ZRANB1: variants seen among roughly 807,000 people sequenced by gnomAD.
ZRANB1 encodes zinc finger RANBP2-type containing 1, also known as ubiquitin thioesterase ZRANB1.
In ZRANB1, 16 loss-of-function variants were observed where a neutral mutation model predicts 80.5. The observed-to-expected ratio is 0.20, with a 90% CI of 0.13 to 0.30. ZRANB1 has a LOEUF of 0.30. ZRANB1 is among the 10% of genes least tolerant of loss of function. ZRANB1 has a pLI of 1.00. For synonymous variants in ZRANB1, 291 were observed against 293.1 expected (o/e 0.99, Z 0.07); for missense variants, 576 against 862.6 (o/e 0.67, Z 4.16).
At chr10:124,963,590 T>A (rs1275913309) in intron 1 of ZRANB1, among the ~76,000 whole-genome samples, 4 of 139,208 alleles carry the variant, frequency 2.9e-5, no homozygotes, top group Non-Finnish European at 4.6e-5. Context: ...GCATGTATTA[T>A]GATGCTTTTT....
chr10:124,933,335 C>T, the ZRANB1 span, among the ~76,000 whole-genome samples: 3 of 152,008 alleles, frequency 2.0e-5, no homozygotes, highest in Admixed American at 6.6e-5. Context: ...GACAGGGTTT[C>T]ACCATGTTGG....
the ZRANB1 span, among the ~76,000 whole-genome samples, chr10:124,922,272 T>G: frequency 1.0e-3 from 58 of 56,318 alleles, 1 homozygote; most frequent in African/African-American, 2.3e-3. Flanking sequence ...TATATATATA[T>G]ATATGTAAAA....
chr10:124,943,361 T>C (rs540658765), intron 1 of ZRANB1, 54 bp downstream of exon 1: 1 of 1,536,562 alleles, frequency 6.5e-7, no homozygotes, highest in African/African-American at 1.4e-5. Context: ...GTAGTAAAAA[T>C]GATATGAAAA....
At position 124,971,415 on chromosome 10, in the gene ZRANB1, G is replaced by A. The variant is rs997269870; in HGVS notation, c.1003-550G>A. ...GCAGTCTGTGTTTAAACTTGCAGAT[G>A]CCAAATGCTTTTTTAAAAACTCAAG... On this transcript the variant is annotated intron_variant, in intron 2 of 8. Coordinates refer to ENST00000359653, the MANE Select transcript of ZRANB1 (RefSeq NM_017580.3). 3.3e-5 allele frequency among the ~76,000 whole-genome samples: 5 copies of A among 152,216 alleles called. No homozygotes were observed. In the East Asian group the frequency reaches 9.6e-4, roughly 29 times the overall value.
upstream of ZRANB1, among the ~76,000 whole-genome samples, chr10:124,941,289 G>C (rs1021727322): frequency 6.6e-6 from 1 of 152,028 alleles, no homozygotes; most frequent in Admixed American, 6.6e-5. Context: ...TTATAGTGTA[G>C]TGTTAGCCCA....
At chr10:124,922,276 TGTAAA>T in the ZRANB1 span, among the ~76,000 whole-genome samples, 338 of 44,806 alleles carry the variant, frequency 7.5e-3, 1 homozygote, top group Middle Eastern at 0.018. Flanking sequence ...TATATATATA[TGTAAA>T]ATATATATAT....
intron 1 of ZRANB1, among the ~76,000 whole-genome samples, chr10:124,948,590 G>A (rs986143800): frequency 1.3e-4 from 20 of 149,330 alleles, no homozygotes; most frequent in Non-Finnish European, 2.7e-4. Context: ...CTCCACCTTC[G>A]CTTCTTTTCT....
At chr10:124,939,006 G>A (rs748580634), upstream of ZRANB1, among the ~76,000 whole-genome samples, 5 of 151,876 alleles carry the variant, frequency 3.3e-5, no homozygotes, top group Admixed American at 1.3e-4. Context: ...GTGAAACTCC[G>A]TCTCTACTAA....
intron 1 of ZRANB1, among the ~76,000 whole-genome samples, chr10:124,952,936 T>C (rs1314423021): frequency 6.6e-6 from 1 of 151,240 alleles, no homozygotes; most frequent in Non-Finnish European, 1.5e-5. Flanking sequence ...TTTTTAAATT[T>C]TATTTTGAGA....
the ZRANB1 span, among the ~76,000 whole-genome samples, chr10:124,921,237 C>T: frequency 1.3e-5 from 2 of 152,136 alleles, no homozygotes; most frequent in Non-Finnish European, 2.9e-5. Context: ...ATGGAGGTAA[C>T]ATTTAGCATC....
chr10:124,981,047 CTTAG>C (rs1589856618), intron 5 of ZRANB1, among the ~76,000 whole-genome samples: 2 of 152,280 alleles, frequency 1.3e-5, no homozygotes, highest in South Asian at 2.1e-4. Context: ...TTTTAGAGGT[CTTAG>C]TTGGCTTGTT....
At chr10:124,955,591 G>A (rs548048584) in intron 1 of ZRANB1, among the ~76,000 whole-genome samples, 10 of 152,264 alleles carry the variant, frequency 6.6e-5, no homozygotes, top group African/African-American at 2.4e-4. Context: ...CTCCACAAAC[G>A]TTTGTGATTG....
At chr10:124,959,819 A>C (rs762664130) in intron 1 of ZRANB1, among the ~76,000 whole-genome samples, 2 of 152,242 alleles carry the variant, frequency 1.3e-5, no homozygotes, top group Admixed American at 6.5e-5. Flanking sequence ...AGAAGACCAC[A>C]CTCACCCTAG....
chr10:124,947,926 C>G (rs1034891013), intron 1 of ZRANB1, among the ~76,000 whole-genome samples: 4 of 152,200 alleles, frequency 2.6e-5, no homozygotes, highest in African/African-American at 9.7e-5. Flanking sequence ...CTCTAGTGAT[C>G]ACCTGTTTTA....
rs545048753 is a variant in ZRANB1, at chr10:124,970,397, T to G, written c.1003-1568T>G. Among the ~76,000 whole-genome samples the G allele has an allele frequency of 2.2e-4, 34 of 152,264 alleles. No individual in the cohort carries two copies. In the East Asian group the frequency reaches 4.8e-3, roughly 22 times the overall value. ...TTTCAGCCTCCCCAGTAGCTGGGAC[T>G]ACTGGTGCATGCCACTAATGCCTAG... On this transcript the variant is annotated intron_variant, in intron 2 of 8. Coordinates refer to ENST00000359653, the MANE Select transcript of ZRANB1 (RefSeq NM_017580.3).
chr10:124,978,165 C>G (rs1461178175), intron 5 of ZRANB1, among the ~76,000 whole-genome samples: 7 of 152,098 alleles, frequency 4.6e-5, no homozygotes, highest in Non-Finnish European at 4.4e-5. Flanking sequence ...ATACATAGTT[C>G]TTGTGTTGAG....
the ZRANB1 span, among the ~76,000 whole-genome samples, chr10:124,920,904 A>G: frequency 1.3e-5 from 2 of 152,162 alleles, no homozygotes; most frequent in African/African-American, 4.8e-5. Context: ...ATATGAATAC[A>G]TGGTCTGACA....
intron 1 of ZRANB1, among the ~76,000 whole-genome samples, chr10:124,963,577 TGG>T (rs1951754256): frequency 8.7e-6 from 1 of 114,686 alleles, no homozygotes; most frequent in Non-Finnish European, 1.7e-5. Flanking sequence ...TTTTTTTTTT[TGG>T]GCATGTATTA....
the ZRANB1 span, among the ~76,000 whole-genome samples, chr10:124,918,906 G>A: frequency 6.6e-6 from 1 of 152,208 alleles, no homozygotes; most frequent in Non-Finnish European, 1.5e-5. Flanking sequence ...CTCTTTTGAG[G>A]AGGATGTTAT....
Sources: gnomAD v4.1 joint callset for allele counts (sites outside exome capture counted in the v4.1 genomes callset) on GRCh38, gnomAD v4.1.1 for gene constraint, MANE v1.5 for transcripts, NCBI Gene and HGNC (gene_info 2026-07-23, HGNC 2026-07-21) for gene names.